Variants in ANO3 observed in about 807,000 individuals in gnomAD.
ANO3 encodes anoctamin 3, also known as anoctamin-3.
ANO3 carries 99 observed loss-of-function variants against 144.8 expected under a neutral mutation model. That is an observed-to-expected ratio of 0.68 (90% CI 0.58 to 0.81). The LOEUF (loss-of-function observed/expected upper bound fraction) is 0.81, where lower values mean the gene tolerates loss of function less well. ANO3 is among the 30% of genes least tolerant of loss of function. The pLI is 0.00. For missense variants in ANO3, 905 were observed against 1,202.2 expected, an observed-to-expected ratio of 0.75 and a Z score of 3.66; for synonymous variants, 414 against 392.6, an observed-to-expected ratio of 1.05 and a Z score of -0.64.
intron 1 of ANO3, among the ~76,000 whole-genome samples, chr11:26,190,898 A>G (rs575653970): frequency 6.6e-6 from 1 of 152,250 alleles, no homozygotes; most frequent in African/African-American, 2.4e-5. Flanking sequence ...ATATTTTTCT[A>G]TGACTTCTAA....
chr11:26,441,121 T>TG (rs1858499296), intron 1 of ANO3, among the ~76,000 whole-genome samples: 2 of 124,394 alleles, frequency 1.6e-5, no homozygotes, highest in South Asian at 3.2e-4. Context: ...TTTTTTTTTT[T>TG]TTTTTTTTTT....
chr11:26,291,453 G>T (rs1853954704), intron 1 of ANO3, among the ~76,000 whole-genome samples: 1 of 152,148 alleles, frequency 6.6e-6, no homozygotes, highest in Non-Finnish European at 1.5e-5. Context: ...CTGTCATTAT[G>T]ATGTTAGCTA....
intron 1 of ANO3, among the ~76,000 whole-genome samples, chr11:26,239,116 T>C (rs932256911): frequency 1.4e-4 from 21 of 150,814 alleles, no homozygotes; most frequent in Non-Finnish European, 3.1e-4. Flanking sequence ...TTTCTGAATT[T>C]GAAATTATTT....
chr11:26,559,761 A>G lies in ANO3; in HGVS notation c.1429A>G (p.Ile477Val). 1 of 1,611,306 alleles carries G rather than the reference A, an allele frequency of 6.2e-7. No individual in the cohort carries two copies. Among genetic ancestry groups the G allele is most frequent in the Non-Finnish European group, 8.5e-7 (1 of 1,178,352 alleles). The change falls in exon 14 of 27, where the codon ATT (isoleucine) becomes GTT (valine). Residue 477 changes from isoleucine to valine, a missense_variant. Physicochemically the swap from Ile to Val is conservative, Grantham distance 29. This residue lies in a region of ANO3 where 597 missense variants were observed against 865.1 expected (regional missense o/e 0.69). Coordinates refer to ENST00000256737, the MANE Select transcript of ANO3 (RefSeq NM_031418.4). ...FDNGGTVFFA[I>V]FMAIWATVFL... ...TAATGGAGGGACAGTCTTCTTTGCT[A>G]TTTTTATGGCAATATGGGGTAAGTA...
rs1371900437 is a variant in ANO3, at chr11:26,656,123, A to G, written c.2577-2A>G. The stretch of plus-strand genomic sequence containing the variant: ...TCACATGATATTTTTCTTTTCTCCC[A>G]GTTGCTTGAAGGGATATGTCAACAA... On this transcript the variant is annotated splice_acceptor_variant, in intron 24 of 26. Transcript: ENST00000256737. LOFTEE classifies it high-confidence loss of function. 1 of 1,609,508 alleles carries G rather than the reference A, an allele frequency of 6.2e-7. No homozygotes were observed. The highest frequency in any genetic ancestry group is 1.7e-5 in the Admixed American group (1 of 59,486).
intron 1 of ANO3, among the ~76,000 whole-genome samples, chr11:26,214,450 A>C (rs2133786148): frequency 6.6e-6 from 1 of 152,086 alleles, no homozygotes; most frequent in Admixed American, 6.6e-5. Context: ...ATCGCAATAT[A>C]GATGTCATCG....
chr11:26,298,309 G>A (rs1854139505), intron 1 of ANO3, among the ~76,000 whole-genome samples: 1 of 152,040 alleles, frequency 6.6e-6, no homozygotes, highest in Admixed American at 6.6e-5. Flanking sequence ...TGATAGGAGA[G>A]AGAAAACAGG....
At chr11:26,432,576 G>A (rs140313970) in intron 1 of ANO3, among the ~76,000 whole-genome samples, 3,292 of 152,152 alleles carry the variant, frequency 0.022, 56 homozygotes, top group African/African-American at 0.039. Flanking sequence ...GTTGATTTTT[G>A]TTTATGGTAT....
At chr11:26,213,912 T>A (rs191649481) in intron 1 of ANO3, among the ~76,000 whole-genome samples, 20 of 152,158 alleles carry the variant, frequency 1.3e-4, no homozygotes, top group Admixed American at 7.2e-4. Context: ...TGAAGTTTAG[T>A]TATTTGAATT....
chr11:26,282,749 T>A (rs537351015), intron 1 of ANO3, among the ~76,000 whole-genome samples: 1 of 152,276 alleles, frequency 6.6e-6, no homozygotes, highest in African/African-American at 2.4e-5. Context: ...TCAGGTTTCA[T>A]GAAGCCTCAG....
At chr11:26,623,738 T>TAA (rs200333374) in intron 17 of ANO3, among the ~76,000 whole-genome samples, 2 of 151,006 alleles carry the variant, frequency 1.3e-5, no homozygotes, top group South Asian at 2.1e-4. Flanking sequence ...TCCAGTGTTG[T>TAA]AAAAAAAAAC....
At chr11:26,608,871 G>A (rs66495309) in intron 17 of ANO3, among the ~76,000 whole-genome samples, 4,855 of 152,274 alleles carry the variant, frequency 0.032, 79 homozygotes, top group African/African-American at 0.046. Flanking sequence ...AGCTTAGTGT[G>A]TTAGGCAGCT....
In ANO3 at chr11:26,553,323, A is replaced by G; in HGVS notation, c.1364A>G (p.Asn455Ser). 8.7e-6 allele frequency: 14 copies of G among 1,612,404 alleles called. No homozygotes were observed. The highest frequency in any genetic ancestry group is 1.1e-5 in the Non-Finnish European group (13 of 1,178,862). ...CDKNCSLQRL[N>S]DSCIYAKVTY... ...AAGAACTGCTCCCTGCAGAGACTCA[A>G]CGACAGCTGTATCTATGCCAAGGTG... is the stretch of plus-strand genomic sequence containing the variant. Residue 455 changes from asparagine to serine, a missense_variant, in exon 13 of 27, where the codon AAC (asparagine) becomes AGC (serine). Physicochemically the swap from Asn to Ser is conservative, Grantham distance 46 (BLOSUM62 1). Coordinates refer to ENST00000256737, the MANE Select transcript of ANO3 (RefSeq NM_031418.4).
chr11:26,282,260 A>T (rs1853694902), intron 1 of ANO3, among the ~76,000 whole-genome samples: 1 of 152,080 alleles, frequency 6.6e-6, no homozygotes, highest in Non-Finnish European at 1.5e-5. Context: ...AAAGTCCAGA[A>T]ATAAATCTGA....
intron 7 of ANO3, among the ~76,000 whole-genome samples, chr11:26,530,555 TA>T (rs72561877): frequency 0.1 from 14,751 of 143,774 alleles, 960 homozygotes; most frequent in Middle Eastern, 0.16. Flanking sequence ...ATTTTGCGCT[TA>T]AAAAAAAAAA....
At chr11:26,258,897 T>G (rs1007017978) in intron 1 of ANO3, among the ~76,000 whole-genome samples, 2 of 152,222 alleles carry the variant, frequency 1.3e-5, no homozygotes, top group Non-Finnish European at 2.9e-5. Context: ...AGACACATCT[T>G]TCATTGAATA....
intron 18 of ANO3, among the ~76,000 whole-genome samples, chr11:26,631,843 A>C (rs1200106229): frequency 6.6e-6 from 1 of 152,172 alleles, no homozygotes; most frequent in Non-Finnish European, 1.5e-5. Context: ...AAAAAATGAT[A>C]GAAAAGAACT....
intron 1 of ANO3, among the ~76,000 whole-genome samples, chr11:26,316,403 A>C (rs1230841784): frequency 6.6e-6 from 1 of 152,244 alleles, no homozygotes; most frequent in African/African-American, 2.4e-5. Context: ...ATCGGTATGC[A>C]TAAGTACAGT....
chr11:26,274,235 T>C (rs1421175480), intron 1 of ANO3, among the ~76,000 whole-genome samples: 1 of 152,068 alleles, frequency 6.6e-6, no homozygotes, highest in Non-Finnish European at 1.5e-5. Context: ...AATATACAAA[T>C]ATACAAAAAT....
Sources: gnomAD v4.1 joint callset for allele counts (sites outside exome capture counted in the v4.1 genomes callset) on GRCh38, gnomAD v4.1.1 for gene constraint, gnomAD v4.1.1 regional missense constraint, MANE v1.5 for transcripts, NCBI Gene and HGNC (gene_info 2026-07-23, HGNC 2026-07-21) for gene names.